Variants in KANSL1 observed in about 807,000 individuals in gnomAD.
KANSL1 encodes KAT8 regulatory NSL complex subunit 1.
In KANSL1, 22 loss-of-function variants were observed where a neutral mutation model predicts 103.6. The observed-to-expected ratio is 0.21, with a 90% CI of 0.15 to 0.30. The LOEUF is 0.30. KANSL1 is among the 10% of genes least tolerant of loss of function. The probability of loss-of-function intolerance (pLI) is 1.00; values close to 1 mark genes in which losing one functional copy is unlikely to be tolerated. For missense variants in KANSL1, 1,337 were observed against 1,399.8 expected, an observed-to-expected ratio of 0.96 and a Z score of 0.72; for synonymous variants, 600 against 527.6, an observed-to-expected ratio of 1.14 and a Z score of -1.88.
intron 6 of KANSL1, among the ~76,000 whole-genome samples, chr17:46,061,620 T>A (rs889156815): frequency 6.6e-6 from 1 of 152,206 alleles, no homozygotes; most frequent in Admixed American, 6.5e-5. Flanking sequence ...CTCCATGTTC[T>A]CCATGAGCCT....
intron 1 of KANSL1, among the ~76,000 whole-genome samples, chr17:46,181,899 C>A (rs553194211): frequency 6.6e-6 from 1 of 151,496 alleles, no homozygotes; most frequent in East Asian, 1.9e-4. Context: ...TTTTTTTGTC[C>A]CCAAACTTAC....
At chr17:46,174,817 G>T (rs1050477289) in intron 1 of KANSL1, among the ~76,000 whole-genome samples, 1 of 152,206 alleles carries the variant, frequency 6.6e-6, no homozygotes, top group Admixed American at 6.5e-5. Context: ...GGGACTATAG[G>T]TGTGTGCCAC....
chr17:46,210,148 A>T (rs1317207371), intron 1 of KANSL1, among the ~76,000 whole-genome samples: 3 of 152,228 alleles, frequency 2.0e-5, no homozygotes, highest in African/African-American at 7.2e-5. Flanking sequence ...TGGACATCAC[A>T]CCACACCAGT....
upstream of KANSL1, chr17:46,196,483 C>T (rs981201427): frequency 4.4e-6 from 2 of 454,998 alleles, no homozygotes; most frequent in African/African-American, 4.0e-5. Context: ...CTTCCTCAGA[C>T]AGTGACACCT....
intron 1 of KANSL1, among the ~76,000 whole-genome samples, chr17:46,201,675 C>T (rs1000340421): frequency 6.6e-6 from 1 of 151,468 alleles, no homozygotes; most frequent in East Asian, 1.9e-4. Flanking sequence ...AGTTCAAAAC[C>T]AGCCTGGGCA....
chr17:46,177,294 AG>A (rs2046567240), intron 1 of KANSL1, among the ~76,000 whole-genome samples: 1 of 152,118 alleles, frequency 6.6e-6, no homozygotes, highest in Non-Finnish European at 1.5e-5. Flanking sequence ...AAGGAAACAT[AG>A]AAGGAATGAA....
At chr17:46,060,613 AG>A (rs1224358418) in intron 6 of KANSL1, among the ~76,000 whole-genome samples, 1 of 152,212 alleles carries the variant, frequency 6.6e-6, no homozygotes, top group Non-Finnish European at 1.5e-5. Context: ...TGGGCCTCCA[AG>A]GTCTATTGCA....
chr17:46,051,984 C>T (rs2077726600), intron 6 of KANSL1, among the ~76,000 whole-genome samples: 1 of 152,032 alleles, frequency 6.6e-6, no homozygotes, highest in South Asian at 2.1e-4. Flanking sequence ...GTGATACCAA[C>T]TAGGCATGCT....
chr17:46,206,700 G>A (rs2047980944), intron 1 of KANSL1, among the ~76,000 whole-genome samples: 1 of 152,184 alleles, frequency 6.6e-6, no homozygotes. Context: ...ACGGATTATA[G>A]ACCTAAATGT....
chr17:46,198,656 C>T (rs2047696017), upstream of KANSL1, among the ~76,000 whole-genome samples: 1 of 152,234 alleles, frequency 6.6e-6, no homozygotes, highest in Non-Finnish European at 1.5e-5. Flanking sequence ...CGCTTGAACC[C>T]ACAAGGTGGA....
chr17:46,183,266 AC>A (rs2046870536), intron 1 of KANSL1, among the ~76,000 whole-genome samples: 1 of 150,996 alleles, frequency 6.6e-6, no homozygotes, highest in Admixed American at 6.6e-5. Flanking sequence ...AGCCACCCAA[AC>A]AAAAACACTA....
chr17:46,126,969 G>C (rs1243695771), intron 2 of KANSL1, among the ~76,000 whole-genome samples: 2 of 152,318 alleles, frequency 1.3e-5, no homozygotes, highest in East Asian at 1.9e-4. Context: ...AGCTAATAAA[G>C]AACAACAGAG....
At chr17:46,179,839 C>T (rs1444617901) in intron 1 of KANSL1, among the ~76,000 whole-genome samples, 3 of 152,096 alleles carry the variant, frequency 2.0e-5, no homozygotes, top group Non-Finnish European at 1.5e-5. Flanking sequence ...GAGGCTGAGG[C>T]GGGTAGATCA....
At chr17:46,185,784 A>C (rs939597564) in intron 1 of KANSL1, among the ~76,000 whole-genome samples, 8 of 151,670 alleles carry the variant, frequency 5.3e-5, no homozygotes, top group African/African-American at 1.9e-4. Context: ...CTACTCTAGA[A>C]GTCAAGGTGG....
chr17:46,080,446 A>AT (rs925313599), intron 4 of KANSL1, among the ~76,000 whole-genome samples: 1,616 of 148,058 alleles, frequency 0.011, 6 homozygotes, highest in African/African-American at 0.015. Context: ...GGGCAACCTA[A>AT]TTTTTTTTTT....
chr17:46,191,788 G>A (rs2047338288), intron 1 of KANSL1, among the ~76,000 whole-genome samples: 1 of 152,182 alleles, frequency 6.6e-6, no homozygotes, highest in Non-Finnish European at 1.5e-5. Flanking sequence ...CTAGCCACGT[G>A]ACAAAGGAGA....
intron 2 of KANSL1, among the ~76,000 whole-genome samples, chr17:46,096,231 T>C (rs1234109113): frequency 6.7e-6 from 1 of 150,374 alleles, no homozygotes; most frequent in African/African-American, 2.4e-5. Context: ...AACCTAGAGT[T>C]CCTTTGCTTA....
At chr17:46,032,437 C>G (rs2077037432) in intron 13 of KANSL1, 138 bp from the exon 14 acceptor site, 1 of 648,920 alleles carries the variant, frequency 1.5e-6, no homozygotes. Flanking sequence ...CAGCAACTCC[C>G]ATTTCTTCCC....
chr17:46,096,311 C>CTTTCTTTCTTTCTTTCTTTTT (rs753073992), intron 2 of KANSL1, among the ~76,000 whole-genome samples: 1 of 76,408 alleles, frequency 1.3e-5, no homozygotes, highest in African/African-American at 5.6e-5. Context: ...GCTTTTTTTT[C>CTTTCTTTCTTTCTTTCTTTTT]TTTTTTTTTT....
Sources: gnomAD v4.1 joint callset for allele counts (sites outside exome capture counted in the v4.1 genomes callset) on GRCh38, gnomAD v4.1.1 for gene constraint, MANE v1.5 for transcripts, NCBI Gene and HGNC (gene_info 2026-07-23, HGNC 2026-07-21) for gene names.